Variants in PLXNB1 observed in about 807,000 individuals in gnomAD.
The protein encoded by PLXNB1 is plexin B1, also known as plexin-B1.
In PLXNB1, 106 loss-of-function variants were observed where a neutral mutation model predicts 209.4. That is an observed-to-expected ratio of 0.51 (90% CI 0.43 to 0.59). The LOEUF (loss-of-function observed/expected upper bound fraction) is 0.59. Among genes scored for constraint, PLXNB1 ranks in the 20% least tolerant of loss-of-function variants. The pLI is 0.00. For missense variants in PLXNB1, 2,357 were observed against 2,853.2 expected, an observed-to-expected ratio of 0.83 and a Z score of 3.96; for synonymous variants, 1,167 against 1,183.2, an observed-to-expected ratio of 0.99 and a Z score of 0.28.
chr3:48,430,284 G>A (rs1279421841), upstream of PLXNB1, among the ~76,000 whole-genome samples: 2 of 152,252 alleles, frequency 1.3e-5, no homozygotes, highest in Non-Finnish European at 2.9e-5. Context: ...GGGCTGCAGA[G>A]GCGCACAAGC....
intron 34 of PLXNB1, among the ~76,000 whole-genome samples, chr3:48,408,139 T>C (rs1333498817): frequency 1.3e-5 from 2 of 152,194 alleles, no homozygotes; most frequent in South Asian, 4.1e-4. Flanking sequence ...GCCTCCCTAG[T>C]AGCTGGGACC....
Position 48,415,869 on chromosome 3 carries a change from C to CCTGGAGGTG in PLXNB1, c.3618-119_3618-111dup. ...CTGACTGCAGTCTCCACCAGGTGTC[C>CCTGGAGGTG]CTGGAGGTGCACTCCCACCACAGCT... On this transcript the variant is annotated intron_variant, in intron 18 of 37. Coordinates refer to ENST00000296440, the MANE Select transcript of PLXNB1 (RefSeq NM_001130082.3). The surrounding 1 kb of genome is among the most constrained non-coding windows in gnomAD (Gnocchi z 5.0). 1 of 1,349,290 alleles carries CCTGGAGGTG rather than the reference C, an allele frequency of 7.4e-7. No individual in the cohort carries two copies. The highest frequency in any genetic ancestry group is 1.4e-5 in the African/African-American group (1 of 69,290). 83.6% of individuals were successfully genotyped at this position (1,349,290 alleles called of 1,614,324 possible).
rs1170175346 is a variant in PLXNB1 at position 48,417,493 on chromosome 3, C to T, written c.3374+418G>A. Among the ~76,000 whole-genome samples the T allele has an allele frequency of 2.0e-5, 3 of 152,200 alleles. No individual in the cohort carries two copies. Among genetic ancestry groups the T allele is most frequent in the Non-Finnish European group, 4.4e-5 (3 of 68,022 alleles). On this transcript the variant is annotated intron_variant, in intron 16 of 37. Transcript: ENST00000296440. The surrounding 1 kb of genome is among the most constrained non-coding windows in gnomAD (Gnocchi z 4.4). ...GTGTGCCTTTCTGAGGTGTGCCTTC[C>T]AAGTCTACCTTCCTGAAGAGCCTGG...
intron 10 of PLXNB1, 51 bp from the exon 11 acceptor site, chr3:48,420,308 C>A: frequency 8.9e-7 from 1 of 1,122,724 alleles, no homozygotes. Flanking sequence ...CAGGCAGGCG[C>A]GGGACAGGAG....
At position 48,414,852 on chromosome 3, in the gene PLXNB1, C is replaced by T; in HGVS notation, c.4156G>A (p.Glu1386Lys). Residue 1386 changes from glutamate to lysine, a missense_variant, in exon 21 of 38, where the codon GAG becomes AAG. Glu to Lys is a moderately conservative substitution (Grantham distance 56). Around this residue, in one of 7 missense-constraint regions of PLXNB1, gnomAD observed 743 missense variants for 896.2 expected, o/e 0.83. Transcript: ENST00000296440. Reference protein sequence around the residue: ...ADPTLQPLNPEDPTMPFRHKP... With the variant: ...ADPTLQPLNPKDPTMPFRHKP... ...TGCCGGAATGGCATGGTGGGGTCCTCAGGGTTGAGTGGCTGCAGGGTGGGG... is the reference window on the plus strand; with the variant it reads ...TGCCGGAATGGCATGGTGGGGTCCTTAGGGTTGAGTGGCTGCAGGGTGGGG... 1.9e-6 allele frequency: 3 copies of T among 1,614,086 alleles called. No homozygotes were observed. The highest frequency in any genetic ancestry group is 1.7e-6 in the Non-Finnish European group (2 of 1,180,028).
chr3:48,419,117 C>T lies in PLXNB1; in HGVS notation c.2833-78G>A, dbSNP rs1237141926. Reference sequence around the variant, plus strand: ...GTCCTGCAGGTCACCCAACAGATCCCCCAGCACAGCTTCTGGGTTGGAGTT... The same window carrying T: ...GTCCTGCAGGTCACCCAACAGATCCTCCAGCACAGCTTCTGGGTTGGAGTT... On this transcript the variant is annotated intron_variant, in intron 12 of 37. Coordinates refer to ENST00000296440, the MANE Select transcript of PLXNB1 (RefSeq NM_001130082.3). The surrounding 1 kb of genome is among the most constrained non-coding windows in gnomAD (Gnocchi z 5.7). 1 of 1,586,696 alleles carries T rather than the reference C, an allele frequency of 6.3e-7. No homozygotes were observed. The highest frequency in any genetic ancestry group is 1.3e-5 in the African/African-American group (1 of 74,578).
intron 1 of PLXNB1, among the ~76,000 whole-genome samples, chr3:48,427,262 G>A (rs575380517): frequency 2.6e-5 from 4 of 152,164 alleles, no homozygotes; most frequent in Non-Finnish European, 5.9e-5. Flanking sequence ...TCCTGGCCAG[G>A]CCACTGAGGA....
intron 34 of PLXNB1, among the ~76,000 whole-genome samples, chr3:48,408,685 C>T (rs1380347820): frequency 6.6e-6 from 1 of 152,142 alleles, no homozygotes; most frequent in Non-Finnish European, 1.5e-5. Context: ...CAATCAGCAG[C>T]CCAGAGCTGC....
In PLXNB1 at chr3:48,421,290, C is replaced by T; in HGVS notation, c.1748G>A (p.Gly583Asp). Residue 583 changes from glycine (G) to aspartate (D), a missense_variant, in exon 8 of 38, where the codon GGT (glycine) becomes GAT (aspartate). Physicochemically the swap from Gly to Asp is moderately conservative, Grantham distance 94. Transcript: ENST00000296440. ...TGGGGAGGGGCACATCACACCAGAA[C>T]CAGTCAGCAGGGCAGGACTCTGATG... ...GEHQSPALLTGSGVMCPSPDP... is the reference protein window; with the variant it reads ...GEHQSPALLTDSGVMCPSPDP... The T allele has an allele frequency of 6.2e-7, 1 of 1,609,774 alleles. No individual in the cohort carries two copies. Among genetic ancestry groups the T allele is most frequent in the Non-Finnish European group, 8.5e-7 (1 of 1,177,746 alleles).
Position 48,415,186 on chromosome 3 carries a change from C to T in PLXNB1, c.3956G>A (p.Ser1319Asn). 6.2e-7 allele frequency: 1 copy of T among 1,612,656 alleles called. No individual in the cohort carries two copies. The highest frequency in any genetic ancestry group is 1.1e-5 in the South Asian group (1 of 91,072). The change falls in exon 20 of 38, where the codon AGT (serine) becomes AAT (asparagine). Residue 1319 changes from serine to asparagine, a missense_variant. Physicochemically the swap from Ser to Asn is conservative, Grantham distance 46. Transcript: ENST00000296440. This position sits in a 1 kb window ranked among gnomAD's most constrained non-coding sequence, Gnocchi z 5.0. ...CCAAGGGTGTCCTACTTGCTGGCTA[C>T]TGCAGGAGGGTCCAAGGGAACATGC... The part of the protein sequence containing the change: ...ETACSLGPSC[S>N]SQQFEEPCHV...
chr3:48,410,774 C>T lies in PLXNB1; in HGVS notation c.5416+94G>A. 1 of 1,289,762 alleles carries T rather than the reference C, an allele frequency of 7.8e-7. No individual in the cohort carries two copies. Among genetic ancestry groups the T allele is most frequent in the Non-Finnish European group, 1.1e-6 (1 of 929,802 alleles). The allele number at this position is 1,289,762 out of a possible 1,614,324, so 79.9% of individuals were successfully genotyped here. A position where few individuals can be genotyped will look rare whatever the true frequency, so the allele number is the denominator to read the frequency against. On this transcript the variant is annotated intron_variant, in intron 29 of 37. Transcript: ENST00000296440. This position sits in a 1 kb window ranked among gnomAD's most constrained non-coding sequence, Gnocchi z 6.4. Reference sequence around the variant, plus strand: ...TCTGCCTGCCTCCCAGCATCCTCCCCACCCTGAGTGATGAGTTGTCCCTGC... The same window carrying T: ...TCTGCCTGCCTCCCAGCATCCTCCCTACCCTGAGTGATGAGTTGTCCCTGC...
rs1384014080 is a variant in PLXNB1, at chr3:48,425,353, A to G, written c.-59-20T>C. ...AGTCACCTAGCAGGCGGGAAAGCCG[A>G]GTGTGAAGCCGGGGCCTGGGCTGCA... On this transcript the variant is annotated intron_variant, in intron 1 of 37. Transcript: ENST00000296440. 6.6e-6 allele frequency: 1 copy of G among 152,126 alleles called. No individual in the cohort carries two copies. The highest frequency in any genetic ancestry group is 1.5e-5 in the Non-Finnish European group (1 of 68,062). The allele number at this position is 152,126 out of a possible 1,614,324, so 9.4% of individuals were successfully genotyped here.
In PLXNB1 at chr3:48,413,537, C is replaced by G. The variant is rs1297429072; in HGVS notation, c.4535+133G>C. The G allele has an allele frequency of 1.0e-6, 1 of 977,974 alleles. No homozygotes were observed. The highest frequency in any genetic ancestry group is 1.6e-5 in the African/African-American group (1 of 60,948). 60.6% of individuals were successfully genotyped at this position (977,974 alleles called of 1,614,324 possible). A position where few individuals can be genotyped will look rare whatever the true frequency, so the allele number is the denominator to read the frequency against. ...GAGTTGTTGAACAGAGACCACTTGGCCTGCAAAGCGAAAATATTTACTCTC... is the reference window on the plus strand; with the variant it reads ...GAGTTGTTGAACAGAGACCACTTGGGCTGCAAAGCGAAAATATTTACTCTC... On this transcript the variant is annotated intron_variant, in intron 23 of 37. Transcript: ENST00000296440. The surrounding 1 kb of genome is among the most constrained non-coding windows in gnomAD (Gnocchi z 5.4).
At position 48,410,146 on chromosome 3, in the gene PLXNB1, A is replaced by T; in HGVS notation, c.5606-69T>A. On this transcript the variant is annotated intron_variant, in intron 31 of 37. Transcript: ENST00000296440. The surrounding 1 kb of genome is among the most constrained non-coding windows in gnomAD (Gnocchi z 6.4). ...CTCCCCAGGCCCCCTGTTTCTTGCCAGCTCTCCCAGGGGTGGGGGCACCTG... is the reference window on the plus strand; with the variant it reads ...CTCCCCAGGCCCCCTGTTTCTTGCCTGCTCTCCCAGGGGTGGGGGCACCTG... 6.6e-7 allele frequency: 1 copy of T among 1,507,124 alleles called. No homozygotes were observed. Among genetic ancestry groups the T allele is most frequent in the Non-Finnish European group, 8.9e-7 (1 of 1,118,734 alleles). The allele number at this position is 1,507,124 out of a possible 1,614,324, so 93.4% of individuals were successfully genotyped here.
chr3:48,428,267 G>C (rs1360929939), intron 1 of PLXNB1, among the ~76,000 whole-genome samples: 1 of 152,162 alleles, frequency 6.6e-6, no homozygotes, highest in East Asian at 1.9e-4. Context: ...TGAAAAGGCT[G>C]ATCTAGAACC....
In PLXNB1 at chr3:48,421,230, G is replaced by A; in HGVS notation, c.1808C>T (p.Ala603Val). The change falls in exon 8 of 38, where the codon GCC becomes GTC. Residue 603 changes from alanine to valine, a missense_variant and splice_region_variant. Physicochemically the swap from Ala to Val is moderately conservative, Grantham distance 64 (BLOSUM62 0). Around this residue, in one of 7 missense-constraint regions of PLXNB1, gnomAD observed 214 missense variants for 297.1 expected, o/e 0.72. Coordinates refer to ENST00000296440, the MANE Select transcript of PLXNB1 (RefSeq NM_001130082.3). The part of the protein sequence containing the change: ...PSEAPVLPRG[A>V]DYVSVSVELR... ...GGCTGGCCCATTCTCTCACCCACCG[G>A]CTCCTCTCGGCAGCACTGGGGCCTC... is the stretch of plus-strand genomic sequence containing the variant. The A allele has an allele frequency of 6.2e-7, 1 of 1,612,918 alleles. No individual in the cohort carries two copies. Among genetic ancestry groups the A allele is most frequent in the Non-Finnish European group, 8.5e-7 (1 of 1,179,578 alleles).
At position 48,423,724 on chromosome 3, in the gene PLXNB1, A is replaced by G. The variant is rs752312709; in HGVS notation, c.888T>C (p.Ala296=). The change falls in exon 3 of 38, where the codon GCT becomes GCC. Residue 296 remains alanine (A), a synonymous_variant. Transcript: ENST00000296440. ...EVAHGEVLFA[A]FSSAAPPTVG... is the part of the protein sequence containing the mutation. The stretch of plus-strand genomic sequence containing the variant: ...CAGTGGGGGGTGCAGCCGAGGAGAA[A>G]GCTGCAAAGAGCACCTCCCCATGCG... The G allele has an allele frequency of 1.2e-6, 2 of 1,613,636 alleles. No homozygotes were observed. The highest frequency in any genetic ancestry group is 3.3e-5 in the Admixed American group (2 of 60,000).
chr3:48,409,965 C>A lies in PLXNB1; in HGVS notation c.5718G>T (p.Gly1906=). The part of the protein sequence containing the change: ...PRPRRGSLRG[G]ERERAKAIPE... Reference sequence around the variant, plus strand: ...GGATGGCCTTGGCGCGCTCACGCTCCCCGCCCCGAAGGCTGCCCCTCCGAG... The same window carrying A: ...GGATGGCCTTGGCGCGCTCACGCTCACCGCCCCGAAGGCTGCCCCTCCGAG... Residue 1906 remains glycine (G), a synonymous_variant, in exon 32 of 38, where the codon GGG becomes GGT. Coordinates refer to ENST00000296440, the MANE Select transcript of PLXNB1 (RefSeq NM_001130082.3). The surrounding 1 kb of genome is among the most constrained non-coding windows in gnomAD (Gnocchi z 5.8). 1 of 1,612,604 alleles carries A rather than the reference C, an allele frequency of 6.2e-7. No homozygotes were observed. Among genetic ancestry groups the A allele is most frequent in the Non-Finnish European group, 8.5e-7 (1 of 1,179,620 alleles).
At chr3:48,428,074 A>T (rs989805539) in intron 1 of PLXNB1, among the ~76,000 whole-genome samples, 1 of 152,176 alleles carries the variant, frequency 6.6e-6, no homozygotes, top group Non-Finnish European at 1.5e-5. Context: ...CAGAGGCCCC[A>T]GCAACTTACA....
Sources: gnomAD v4.1 joint callset for allele counts (sites outside exome capture counted in the v4.1 genomes callset) on GRCh38, gnomAD v4.1.1 for gene constraint, gnomAD v4.1.1 regional missense constraint, Gnocchi (gnomAD v3.1) non-coding constraint, MANE v1.5 for transcripts, NCBI Gene and HGNC (gene_info 2026-07-23, HGNC 2026-07-21) for gene names.